Variants in KCNK5 observed in about 807,000 individuals in gnomAD.
KCNK5 encodes the protein potassium channel subfamily K member 5.
In KCNK5, 18 loss-of-function variants were observed where a neutral mutation model predicts 32.9. The ratio of observed to expected loss-of-function variants is 0.55; its 90% CI spans 0.38 to 0.81. KCNK5 has a LOEUF of 0.81. Among genes scored for constraint, KCNK5 ranks in the 30% least tolerant of loss-of-function variants. The probability of loss-of-function intolerance (pLI) is 0.00; values close to 1 mark genes in which losing one functional copy is unlikely to be tolerated. For synonymous variants in KCNK5, 276 were observed against 275.3 expected, an observed-to-expected ratio of 1.00 and a Z score of -0.03; for missense variants, 507 against 651.0, an observed-to-expected ratio of 0.78 and a Z score of 2.41.
intron 1 of KCNK5, among the ~76,000 whole-genome samples, chr6:39,209,303 T>C (rs945331321): frequency 2.0e-5 from 3 of 152,118 alleles, no homozygotes; most frequent in African/African-American, 7.2e-5. Flanking sequence ...GACCATGCAC[T>C]ACCCCTGCCC....
chr6:39,196,685 T>C (rs1288077658), intron 1 of KCNK5, among the ~76,000 whole-genome samples: 1 of 152,236 alleles, frequency 6.6e-6, no homozygotes, highest in African/African-American at 2.4e-5. Context: ...GGGATCTCAC[T>C]TCCCTCCCTT....
chr6:39,213,289 C>T (rs1771372639), intron 1 of KCNK5, among the ~76,000 whole-genome samples: 1 of 152,202 alleles, frequency 6.6e-6, no homozygotes, highest in Admixed American at 6.5e-5. Context: ...AACCACATTA[C>T]AGAAAATGTG....
chr6:39,225,528 C>G (rs1224303157), intron 1 of KCNK5, among the ~76,000 whole-genome samples: 1 of 152,206 alleles, frequency 6.6e-6, no homozygotes, highest in East Asian at 1.9e-4. Flanking sequence ...CAATCACACC[C>G]CCACTGTTTT....
chr6:39,197,903 C>T (rs558704203), intron 1 of KCNK5, among the ~76,000 whole-genome samples: 7 of 152,278 alleles, frequency 4.6e-5, no homozygotes, highest in African/African-American at 1.7e-4. Flanking sequence ...TCATGGGGAA[C>T]AGGAAAGATG....
At chr6:39,205,744 G>C (rs969105157) in intron 1 of KCNK5, among the ~76,000 whole-genome samples, 1 of 152,234 alleles carries the variant, frequency 6.6e-6, no homozygotes, top group Non-Finnish European at 1.5e-5. Flanking sequence ...CAGCTGGGCA[G>C]AGCAGCCTCC....
intron 1 of KCNK5, among the ~76,000 whole-genome samples, chr6:39,201,160 G>A (rs1164490748): frequency 6.6e-6 from 1 of 152,088 alleles, no homozygotes; most frequent in Non-Finnish European, 1.5e-5. Flanking sequence ...CTCCTGGATT[G>A]TCAGTGGTTC....
chr6:39,196,881 C>T (rs529705904), intron 1 of KCNK5, among the ~76,000 whole-genome samples: 5 of 152,318 alleles, frequency 3.3e-5, no homozygotes, highest in African/African-American at 7.2e-5. Context: ...GTGCGAGGAG[C>T]GGTGGGGCAG....
chr6:39,192,949 C>T (rs562970474), intron 4 of KCNK5, among the ~76,000 whole-genome samples: 18 of 152,152 alleles, frequency 1.2e-4, no homozygotes, highest in Non-Finnish European at 2.4e-4. Context: ...CTCCCACGAC[C>T]GGGCTCAGAT....
Position 39,192,283 on chromosome 6 carries a change from C to CAAAAAAAA in KCNK5, c.635-536_635-529dup, listed in dbSNP as rs1226626372. 1.9e-4 allele frequency among the ~76,000 whole-genome samples: 9 copies of CAAAAAAAA among 46,710 alleles called. 2 individuals carry two copies. Among genetic ancestry groups the CAAAAAAAA allele is most frequent in the Non-Finnish European group, 2.4e-4 (7 of 29,112 alleles). The allele number at this position is 46,710 out of a possible 152,430, so 30.6% of individuals were successfully genotyped here. A position where few individuals can be genotyped will look rare whatever the true frequency, so the allele number is the denominator to read the frequency against. ...TGGGCAGCAGACAGAGACTCCGTCT[C>CAAAAAAAA]AAAAAAAAAAAAAAAAAAAAAAAAA... On this transcript the variant is annotated intron_variant, in intron 4 of 4. Coordinates refer to ENST00000359534, the MANE Select transcript of KCNK5 (RefSeq NM_003740.4).
intron 1 of KCNK5, among the ~76,000 whole-genome samples, chr6:39,217,449 A>G (rs972133361): frequency 6.6e-6 from 1 of 152,184 alleles, no homozygotes; most frequent in Non-Finnish European, 1.5e-5. Context: ...CTACTAGGAC[A>G]CGTGGCAATC....
rs57204833 is a variant in KCNK5, at chr6:39,217,118, CAAAAAAA to C, written c.186+11801_186+11807del. Among the ~76,000 whole-genome samples the C allele has an allele frequency of 1.4e-3, 104 of 74,444 alleles. 1 individual carries two copies. Among genetic ancestry groups the C allele is most frequent in the South Asian group, 8.9e-3 (18 of 2,022 alleles). The allele number at this position is 74,444 out of a possible 152,430, so 48.8% of individuals were successfully genotyped here. ...CTGGGCAACAAGAGCAAAACTCCAT[CAAAAAAA>C]AAAAAAAAAAAAAAAAAAGAAAGAA... On this transcript the variant is annotated intron_variant, in intron 1 of 4. Coordinates refer to ENST00000359534, the MANE Select transcript of KCNK5 (RefSeq NM_003740.4).
intron 1 of KCNK5, among the ~76,000 whole-genome samples, chr6:39,205,985 C>T (rs1771217962): frequency 6.6e-6 from 1 of 152,238 alleles, no homozygotes; most frequent in Admixed American, 6.5e-5. Context: ...ACCTCTCACA[C>T]CCATAACTCC....
intron 1 of KCNK5, among the ~76,000 whole-genome samples, chr6:39,214,000 T>C (rs2561396): frequency 0.73 from 110,685 of 151,426 alleles, 40,641 homozygotes; most frequent in East Asian, 0.85. Flanking sequence ...CACTCCAGCC[T>C]GGGTGATGGT....
At chr6:39,218,173 C>T (rs944253194) in intron 1 of KCNK5, among the ~76,000 whole-genome samples, 1 of 151,050 alleles carries the variant, frequency 6.6e-6, no homozygotes, top group East Asian at 2.0e-4. Context: ...CAGGTTCAAG[C>T]GATTCTCCTG....
At chr6:39,193,837 C>T (rs1055968814) in intron 4 of KCNK5, among the ~76,000 whole-genome samples, 12 of 152,118 alleles carry the variant, frequency 7.9e-5, no homozygotes, top group African/African-American at 2.2e-4. Context: ...AGGTACCAAC[C>T]GTGCAGGCAG....
At chr6:39,205,344 C>T (rs1463544755) in intron 1 of KCNK5, among the ~76,000 whole-genome samples, 1 of 152,198 alleles carries the variant, frequency 6.6e-6, no homozygotes, top group Non-Finnish European at 1.5e-5. Flanking sequence ...CTCTCAAACA[C>T]ACATACCAGA....
At chr6:39,205,798 C>T (rs550287824) in intron 1 of KCNK5, among the ~76,000 whole-genome samples, 1 of 152,328 alleles carries the variant, frequency 6.6e-6, no homozygotes, top group East Asian at 1.9e-4. Context: ...AGAGGCCTTA[C>T]TTCTAAGGTG....
intron 1 of KCNK5, among the ~76,000 whole-genome samples, chr6:39,207,730 C>T (rs1771255134): frequency 6.6e-6 from 1 of 152,110 alleles, no homozygotes; most frequent in Non-Finnish European, 1.5e-5. Flanking sequence ...CTGCTGATTT[C>T]CTGCCCTTCC....
At chr6:39,205,122 C>T (rs887997630) in intron 1 of KCNK5, among the ~76,000 whole-genome samples, 1 of 152,176 alleles carries the variant, frequency 6.6e-6, no homozygotes, top group Non-Finnish European at 1.5e-5. Context: ...GCAGGTTTGG[C>T]TAAGGCAAGC....
Sources: gnomAD v4.1 joint callset for allele counts (sites outside exome capture counted in the v4.1 genomes callset) on GRCh38, gnomAD v4.1.1 for gene constraint, MANE v1.5 for transcripts, NCBI Gene and HGNC (gene_info 2026-07-23, HGNC 2026-07-21) for gene names.